SELENOS: variants seen among roughly 807,000 people sequenced by gnomAD.
The protein encoded by SELENOS is selenoprotein S.
In SELENOS, 37 loss-of-function variants were observed where a neutral mutation model predicts 30.2. That is an observed-to-expected ratio of 1.23 (90% CI 0.94 to 1.61). The LOEUF is 1.61. Ranked by LOEUF, SELENOS falls within the 40% of genes most tolerant of loss-of-function variation. SELENOS has a pLI of 0.00. For synonymous variants in SELENOS, 119 were observed against 91.6 expected (o/e 1.30, Z -1.71); for missense variants, 289 against 231.8 (o/e 1.25, Z -1.60).
At chr15:101,276,791 T>C in intron 1 of SELENOS, 116 bp from the exon 2 acceptor site, 4 of 1,303,534 alleles carry the variant, frequency 3.1e-6, no homozygotes, top group Non-Finnish European at 3.1e-6. Context: ...TGGTCTAGGC[T>C]GAGGAAAAAG....
chr15:101,271,045 T>C (rs1048375494), downstream of SELENOS: 2 of 152,196 alleles, frequency 1.3e-5, no homozygotes, highest in African/African-American at 2.4e-5. Context: ...TTGTCGTTTA[T>C]TTCTATTTAT....
chr15:101,273,843 C>T (rs549123747), intron 5 of SELENOS, among the ~76,000 whole-genome samples: 2 of 152,334 alleles, frequency 1.3e-5, no homozygotes, highest in South Asian at 4.1e-4. Flanking sequence ...AAATCTTCCG[C>T]CTTGGTTCCT....
At position 101,274,664 on chromosome 15, in the gene SELENOS, CCTT is replaced by C; in HGVS notation, c.333_335del (p.Arg113del). The C allele has an allele frequency of 6.2e-7, 1 of 1,612,004 alleles. No homozygotes were observed. The highest frequency in any genetic ancestry group is 8.5e-7 in the Non-Finnish European group (1 of 1,179,544). On this transcript the variant is annotated inframe_deletion, in exon 4 of 6. Transcript: ENST00000526049. ...TGTCCCACATTTCAATCTTCTGTCT[CCTT>C]TTTTCTTCTTCAAGCTGAGAAACAA...
In SELENOS at chr15:101,273,133, T is replaced by C. The variant is rs77845682; in HGVS notation, c.485-277A>G. On this transcript the variant is annotated intron_variant, in intron 5 of 5. Transcript: ENST00000526049. Reference sequence around the variant, plus strand: ...GCAAAAGGGTCACCAAAAAACTCTCTCAAGAGGGCCTGATTTAAGTATATG... The same window carrying C: ...GCAAAAGGGTCACCAAAAAACTCTCCCAAGAGGGCCTGATTTAAGTATATG... 3.0e-4 allele frequency among the ~76,000 whole-genome samples: 46 copies of C among 152,208 alleles called. No homozygotes were observed. The East Asian group carries it at 8.9e-3, about 29-fold the overall frequency.
intron 2 of SELENOS, chr15:101,276,329 G>T: frequency 2.2e-6 from 1 of 453,118 alleles, no homozygotes; most frequent in Non-Finnish European, 3.7e-6. Context: ...GCCCACTGCA[G>T]CTTTGACTCC....
chr15:101,276,967 G>T (rs1369940984), intron 1 of SELENOS: 2 of 527,140 alleles, frequency 3.8e-6, no homozygotes, highest in African/African-American at 1.9e-5. Flanking sequence ...AATCAGGAAG[G>T]CAAAGGCCTT....
chr15:101,275,044 G>A (rs867373375), intron 3 of SELENOS: 1 of 569,304 alleles, frequency 1.8e-6, no homozygotes. Context: ...GACCTTTCAT[G>A]GTAATATATT....
In SELENOS at chr15:101,276,574, G is replaced by A; in HGVS notation, c.178C>T (p.Gln60Ter). The change falls in exon 2 of 6, where the codon CAG becomes TAG. Residue 60 changes from glutamine to a stop codon, truncating the protein, a stop_gained. Transcript: ENST00000526049. LOFTEE classifies it high-confidence loss of function. ...GCCGCAGCTCGGTCCAGCTGCCTCT[G>A]CCTCAAGGCTCTTAGCCGGGCGGAA... Reference protein sequence around the residue: ...KLSARLRALRQRQLDRAAAAV... With the variant: ...KLSARLRALR 1.9e-6 allele frequency: 3 copies of A among 1,613,348 alleles called. No homozygotes were observed. The highest frequency in any genetic ancestry group is 2.5e-6 in the Non-Finnish European group (3 of 1,179,698).
At position 101,273,668 on chromosome 15, in the gene SELENOS, CA is replaced by C. The variant is rs979425071; in HGVS notation, c.484+751del. Among the ~76,000 whole-genome samples, 89 of 152,316 alleles carry C rather than the reference CA, an allele frequency of 5.8e-4. No homozygotes were observed. The Middle Eastern group carries it at 0.01, about 17-fold the overall frequency. ...TCCAGATGCATCACCTTCTCTACAG[CA>C]AGCCAGGTTTAGTCTTCTGACACAA... On this transcript the variant is annotated intron_variant, in intron 5 of 5. Transcript: ENST00000526049.
chr15:101,277,117 A>G, intron 1 of SELENOS: 1 of 800,976 alleles, frequency 1.2e-6, no homozygotes, highest in Non-Finnish European at 2.1e-6. Flanking sequence ...CGCAAAAAAG[A>G]CTTGCGCAAA....
At chr15:101,276,414 A>ATTT (rs57981941) in intron 2 of SELENOS, 127 bp downstream of exon 2, 23 of 975,092 alleles carry the variant, frequency 2.4e-5, no homozygotes, top group African/African-American at 1.7e-4. Context: ...ACTCCCGGCT[A>ATTT]TTTTTTTTTT....
chr15:101,274,356 TA>T, intron 5 of SELENOS, 63 bp downstream of exon 5: 4 of 1,511,050 alleles, frequency 2.6e-6, no homozygotes. Flanking sequence ...ATCTTGTTCC[TA>T]AAAGGTAACT....
chr15:101,272,995 C>A (rs185887218), intron 5 of SELENOS, 139 bp from the exon 6 acceptor site: 2 of 676,754 alleles, frequency 3.0e-6, no homozygotes, highest in East Asian at 6.0e-5. Flanking sequence ...TTAAAAAAAC[C>A]TTTTAGCTAT....
Position 101,272,529 on chromosome 15 carries a change from TTAA to T in SELENOS, c.*239_*241del. 2.2e-6 allele frequency: 1 copy of T among 453,460 alleles called. No homozygotes were observed. Among genetic ancestry groups the T allele is most frequent in the East Asian group, 3.6e-5 (1 of 27,530 alleles). 28.1% of individuals were successfully genotyped at this position (453,460 alleles called of 1,614,324 possible). The stretch of plus-strand genomic sequence containing the variant: ...GAGGCCTTTACCTACCAACTAGCAA[TTAA>T]CCATGAAATCAATGAATGCAATCAC... On this transcript the variant is annotated 3_prime_UTR_variant, in exon 6 of 6. Coordinates refer to ENST00000526049, the MANE Select transcript of SELENOS (RefSeq NM_018445.6).
At position 101,277,352 on chromosome 15, in the gene SELENOS, C is replaced by T. The variant is rs1024288640; in HGVS notation, c.66G>A (p.Leu22=). The stretch of plus-strand genomic sequence containing the variant: ...CCCGCAACGACTCACCCGTGGTGTG[C>T]AGGAAGCGCAGCCCCTCGGTCTCCA... The part of the protein sequence containing the change: ...PALETEGLRF[L]HTTVGSLLAT... Residue 22 remains leucine (L), a synonymous_variant, in exon 1 of 6, where the codon CTG becomes CTA. Coordinates refer to ENST00000526049, the MANE Select transcript of SELENOS (RefSeq NM_018445.6). 17 of 1,514,712 alleles carry T rather than the reference C, an allele frequency of 1.1e-5. No individual in the cohort carries two copies. Among genetic ancestry groups the T allele is most frequent in the South Asian group, 2.4e-5 (2 of 81,686 alleles). The allele number at this position is 1,514,712 out of a possible 1,614,324, so 93.8% of individuals were successfully genotyped here. A position where few individuals can be genotyped will look rare whatever the true frequency, so the allele number is the denominator to read the frequency against.
At chr15:101,276,438 C>G in intron 2 of SELENOS, 103 bp downstream of exon 2, 1 of 1,317,524 alleles carries the variant, frequency 7.6e-7, no homozygotes, top group South Asian at 1.8e-5. Flanking sequence ...TAAATAGAGA[C>G]AGGGTCTTCC....
chr15:101,274,290 T>G, intron 5 of SELENOS, 130 bp downstream of exon 5: 1 of 1,081,092 alleles, frequency 9.2e-7, no homozygotes. Flanking sequence ...GTTTCCTTTA[T>G]TGAATCTTCA....
chr15:101,275,430 A>T lies in SELENOS; in HGVS notation c.212-69T>A, dbSNP rs895568842. 4 of 1,285,140 alleles carry T rather than the reference A, an allele frequency of 3.1e-6. No individual in the cohort carries two copies. In the South Asian group the frequency reaches 4.8e-5, roughly 16 times the overall value. The allele number at this position is 1,285,140 out of a possible 1,614,324, so 79.6% of individuals were successfully genotyped here. ...ATAAAATAGAAACTTTTGAGTGTCC[A>T]TATTATTAAAAGTATAAAGAGGTAT... On this transcript the variant is annotated intron_variant, in intron 2 of 5. Coordinates refer to ENST00000526049, the MANE Select transcript of SELENOS (RefSeq NM_018445.6).
chr15:101,277,314 C>A (rs1411946569), intron 1 of SELENOS, 28 bp downstream of exon 1: 3 of 1,503,390 alleles, frequency 2.0e-6, no homozygotes, highest in Admixed American at 2.2e-5. Context: ...AGTGGCGGCG[C>A]GCGCCCGGCT....
Sources: gnomAD v4.1 joint callset for allele counts (sites outside exome capture counted in the v4.1 genomes callset) on GRCh38, gnomAD v4.1.1 for gene constraint, MANE v1.5 for transcripts, NCBI Gene and HGNC (gene_info 2026-07-23, HGNC 2026-07-21) for gene names.